FREM3: variants seen among roughly 807,000 people sequenced by gnomAD.
FREM3 encodes the protein FRAS1 related extracellular matrix 3.
FREM3 carries 105 observed loss-of-function variants against 129.1 expected under a neutral mutation model. The ratio of observed to expected loss-of-function variants is 0.81; its 90% confidence interval spans 0.69 to 0.96. FREM3 has a LOEUF of 0.96. FREM3 is among the 40% of genes least tolerant of loss of function. FREM3 has a pLI of 0.00. For synonymous variants in FREM3, 1,014 were observed against 1,044.9 expected (o/e 0.97, Z 0.57); for missense variants, 2,593 against 2,666.3 (o/e 0.97, Z 0.61).
intron 2 of FREM3, among the ~76,000 whole-genome samples, chr4:143,681,199 T>G (rs575481743): frequency 1.3e-5 from 2 of 152,266 alleles, no homozygotes; most frequent in African/African-American, 4.8e-5. Context: ...AATTGTTCTT[T>G]GTATAGATGA....
At chr4:143,597,039 G>A (rs1451552983) in intron 6 of FREM3, among the ~76,000 whole-genome samples, 1 of 152,128 alleles carries the variant, frequency 6.6e-6, no homozygotes, top group East Asian at 1.9e-4. Context: ...GTCTACTATG[G>A]ATGAATAAAA....
intron 2 of FREM3, among the ~76,000 whole-genome samples, chr4:143,630,258 A>G (rs1325907062): frequency 6.6e-6 from 1 of 152,186 alleles, no homozygotes; most frequent in East Asian, 1.9e-4. Flanking sequence ...GGTTCTTATC[A>G]TCATGGTTTT....
intron 1 of FREM3, among the ~76,000 whole-genome samples, chr4:143,693,897 C>T (rs1373276887): frequency 6.6e-6 from 1 of 152,052 alleles, no homozygotes; most frequent in Non-Finnish European, 1.5e-5. Context: ...TGCATATTCT[C>T]ACTTATAAAT....
Position 143,585,907 on chromosome 4 carries a change from C to G in FREM3, c.6115G>C (p.Asp2039His). The change falls in exon 7 of 8, where the codon GAT becomes CAT. Residue 2039 changes from aspartate to histidine, a missense_variant. By Grantham distance (81) the Asp-to-His change is moderately conservative. Transcript: ENST00000329798. The surrounding 1 kb of genome is among the most constrained non-coding windows in gnomAD (Gnocchi z 4.2). Reference protein sequence around the residue: ...VEVCVWRRGTDLSQPSSIAVR... With the variant: ...VEVCVWRRGTHLSQPSSIAVR... ...GCGATGGATGATGGTTGGGAAAGAT[C>G]AGTGCCTCTTCTCCAAACACAAACC... 6.5e-7 allele frequency: 1 copy of G among 1,537,368 alleles called. No individual in the cohort carries two copies. The highest frequency in any genetic ancestry group is 8.7e-7 in the Non-Finnish European group (1 of 1,146,948).
chr4:143,699,864 A>T lies in FREM3; in HGVS notation c.812T>A (p.Leu271Gln), dbSNP rs1417417299. ...AGCGTCTTGGCCCTCAGGCCCCAGC[A>T]GCTCCACCATCATGGGCACGTAGTC... ...NRDYVPMMVE[L>Q]LGPEGQDAGS... Residue 271 changes from leucine (L) to glutamine (Q), a missense_variant, in exon 1 of 8, where the codon CTG (leucine) becomes CAG (glutamine). Coordinates refer to ENST00000329798, the MANE Select transcript of FREM3 (RefSeq NM_001168235.2). This position sits in a 1 kb window ranked among gnomAD's most constrained non-coding sequence, Gnocchi z 4.2. 6.5e-7 allele frequency: 1 copy of T among 1,536,702 alleles called. No homozygotes were observed. The highest frequency in any genetic ancestry group is 1.2e-5 in the South Asian group (1 of 84,058).
In FREM3 at chr4:143,585,968, AGCATCCCCAAAGT is replaced by A; in HGVS notation, c.6041_6053del (p.His2014LeufsTer67). 1 of 1,537,734 alleles carries A rather than the reference AGCATCCCCAAAGT, an allele frequency of 6.5e-7. No homozygotes were observed. The highest frequency in any genetic ancestry group is 8.7e-7 in the Non-Finnish European group (1 of 1,147,016). On this transcript the variant is annotated frameshift_variant, in exon 7 of 8. Coordinates refer to ENST00000329798, the MANE Select transcript of FREM3 (RefSeq NM_001168235.2). LOFTEE classifies it high-confidence loss of function. This position sits in a 1 kb window ranked among gnomAD's most constrained non-coding sequence, Gnocchi z 4.2. ...GAGCACTTTCATTGACGTGATATTC[AGCATCCCCAAAGT>A]GCAGGACAGGTTCTAAAGAGGCAAA...
intron 7 of FREM3, among the ~76,000 whole-genome samples, chr4:143,583,496 A>G (rs566674748): frequency 3.7e-4 from 57 of 152,160 alleles, no homozygotes; most frequent in Non-Finnish European, 6.3e-4. Context: ...TATCCCTAAG[A>G]CACATAGTCA....
intron 7 of FREM3, among the ~76,000 whole-genome samples, chr4:143,579,505 A>T (rs1404294021): frequency 1.3e-5 from 2 of 152,208 alleles, no homozygotes; most frequent in Admixed American, 1.3e-4. Flanking sequence ...GCAGGAGAGT[A>T]ATGGATAAGG....
intron 2 of FREM3, among the ~76,000 whole-genome samples, chr4:143,656,351 T>C (rs183602127): frequency 6.6e-6 from 1 of 152,266 alleles, no homozygotes; most frequent in Admixed American, 6.5e-5. Context: ...ACACAGAAAC[T>C]TGTTTACATG....
chr4:143,697,577 A>G lies in FREM3; in HGVS notation c.3099T>C (p.Asp1033=). The G allele has an allele frequency of 6.5e-7, 1 of 1,537,578 alleles. No individual in the cohort carries two copies. The highest frequency in any genetic ancestry group is 1.2e-5 in the South Asian group (1 of 84,064). ...CTTTGGAGAGGATGAGGCTGAAGGC[A>G]TCGTGCTGCTTTTGAAAACCAACTT... is the stretch of plus-strand genomic sequence containing the variant. ...AGEVGFQKQH[D]AFSLILSKDS... is the part of the protein sequence containing the mutation. The change falls in exon 1 of 8, where the codon GAT becomes GAC. Residue 1033 remains aspartate (D), a synonymous_variant. Transcript: ENST00000329798.
At chr4:143,615,678 C>T (rs1259977828) in intron 5 of FREM3, among the ~76,000 whole-genome samples, 2 of 150,852 alleles carry the variant, frequency 1.3e-5, no homozygotes, top group African/African-American at 2.5e-5. Context: ...TAGGGAATAT[C>T]GTCAAGTGTA....
chr4:143,578,763 A>G (rs1363584286), intron 7 of FREM3, among the ~76,000 whole-genome samples: 3 of 152,232 alleles, frequency 2.0e-5, no homozygotes. Context: ...ATATAGTATA[A>G]TAACTGGGTT....
At chr4:143,625,331 C>T (rs34555115) in intron 3 of FREM3, among the ~76,000 whole-genome samples, 52,402 of 152,050 alleles carry the variant, frequency 0.34, 10,519 homozygotes, top group Middle Eastern at 0.46. Context: ...ATATGGTAAC[C>T]TGACACCAGC....
In FREM3 at chr4:143,588,044, C is replaced by T. The variant is rs1336171721; in HGVS notation, c.6029-2051G>A. ...ATGCAGTCCCTCTCTTTTGTTCATCCACCAAAGCAGCCAACCAGTTTATCT... is the reference window on the plus strand; with the variant it reads ...ATGCAGTCCCTCTCTTTTGTTCATCTACCAAAGCAGCCAACCAGTTTATCT... On this transcript the variant is annotated intron_variant, in intron 6 of 7. Coordinates refer to ENST00000329798, the MANE Select transcript of FREM3 (RefSeq NM_001168235.2). Among the ~76,000 whole-genome samples the T allele has an allele frequency of 2.0e-5, 3 of 152,244 alleles. No individual in the cohort carries two copies. The East Asian group carries it at 5.8e-4, about 29-fold the overall frequency.
At chr4:143,601,236 G>A (rs1738567119) in intron 6 of FREM3, among the ~76,000 whole-genome samples, 1 of 152,086 alleles carries the variant, frequency 6.6e-6, no homozygotes. Flanking sequence ...TTTTCAAAAA[G>A]TTGAATATGC....
chr4:143,642,263 G>A (rs1283518183), intron 2 of FREM3, among the ~76,000 whole-genome samples: 2 of 152,088 alleles, frequency 1.3e-5, no homozygotes, highest in Non-Finnish European at 2.9e-5. Flanking sequence ...TACAATCCCT[G>A]TCAAAGTACC....
chr4:143,589,230 A>G (rs1425849371), intron 6 of FREM3, among the ~76,000 whole-genome samples: 2 of 152,132 alleles, frequency 1.3e-5, no homozygotes, highest in Admixed American at 1.3e-4. Flanking sequence ...GCTGTGCAGA[A>G]GTTCTTTAGT....
At chr4:143,628,655 G>A (rs1318534341) in intron 2 of FREM3, among the ~76,000 whole-genome samples, 3 of 152,174 alleles carry the variant, frequency 2.0e-5, no homozygotes, top group Non-Finnish European at 4.4e-5. Flanking sequence ...GGGGCAGTGT[G>A]TGGACTAGAA....
At chr4:143,617,396 A>C (rs1272536419) in intron 5 of FREM3, among the ~76,000 whole-genome samples, 2 of 152,164 alleles carry the variant, frequency 1.3e-5, no homozygotes, top group Non-Finnish European at 2.9e-5. Context: ...ATAAACAGTT[A>C]TTCAAAACAT....
Sources: gnomAD v4.1 joint callset for allele counts (sites outside exome capture counted in the v4.1 genomes callset) on GRCh38, gnomAD v4.1.1 for gene constraint, Gnocchi (gnomAD v3.1) non-coding constraint, MANE v1.5 for transcripts, NCBI Gene and HGNC (gene_info 2026-07-23, HGNC 2026-07-21) for gene names.